Variants in DAB1 observed in about 807,000 individuals in gnomAD.
DAB1 encodes the protein disabled homolog 1.
A neutral mutation model predicts 64.6 loss-of-function variants in DAB1; 15 were observed. That is an observed-to-expected ratio of 0.23 (90% confidence interval 0.16 to 0.36). The LOEUF (loss-of-function observed/expected upper bound fraction) is 0.36, where lower values mean the gene tolerates loss of function less well. Among genes scored for constraint, DAB1 ranks in the 10% least tolerant of loss-of-function variants. The probability of loss-of-function intolerance (pLI) is 1.00; values close to 1 mark genes in which losing one functional copy is unlikely to be tolerated. For synonymous variants in DAB1, 235 were observed against 251.9 expected (o/e 0.93, Z 0.64); for missense variants, 596 against 706.7 (o/e 0.84, Z 1.78).
chr1:57,112,680 C>T (rs983940563), intron 4 of DAB1, among the ~76,000 whole-genome samples: 11 of 152,092 alleles, frequency 7.2e-5, no homozygotes, highest in African/African-American at 2.4e-4. Context: ...TGTTTTATAA[C>T]TAATAAATAT....
chr1:57,789,314 T>C (rs1345352159), intron 6 of DAB1, among the ~76,000 whole-genome samples: 3 of 151,924 alleles, frequency 2.0e-5, no homozygotes, highest in Non-Finnish European at 2.9e-5. Flanking sequence ...TAGAAGGGAA[T>C]TGGGAGAGAT....
chr1:57,423,354 C>T (rs1020848045), intron 1 of DAB1, among the ~76,000 whole-genome samples: 1 of 152,036 alleles, frequency 6.6e-6, no homozygotes, highest in Non-Finnish European at 1.5e-5. Context: ...ACGCGGGATC[C>T]AGTTCTCACG....
intron 3 of DAB1, among the ~76,000 whole-genome samples, chr1:58,372,480 C>A (rs1272565122): frequency 6.6e-6 from 1 of 152,096 alleles, no homozygotes; most frequent in Non-Finnish European, 1.5e-5. Flanking sequence ...TCAGATGAGG[C>A]TTTGGACTTG....
At chr1:57,406,431 A>G (rs1296486592) in intron 1 of DAB1, among the ~76,000 whole-genome samples, 3 of 152,178 alleles carry the variant, frequency 2.0e-5, no homozygotes, top group African/African-American at 7.2e-5. Context: ...GTCTTGTGGG[A>G]AAAAGTCTGT....
intron 1 of DAB1, among the ~76,000 whole-genome samples, chr1:57,871,942 T>C (rs1343393521): frequency 6.6e-6 from 1 of 152,118 alleles, no homozygotes; most frequent in Non-Finnish European, 1.5e-5. Flanking sequence ...GTGTAGGGTA[T>C]CCAGTCAGAC....
At chr1:57,908,960 T>C (rs567388067) in intron 5 of DAB1, among the ~76,000 whole-genome samples, 162 of 147,196 alleles carry the variant, frequency 1.1e-3, no homozygotes, top group Middle Eastern at 3.4e-3. Flanking sequence ...GGGAACCAGG[T>C]CTATTTTCCT....
chr1:57,690,742 A>G (rs1350002891), intron 6 of DAB1, among the ~76,000 whole-genome samples: 1 of 152,200 alleles, frequency 6.6e-6, no homozygotes, highest in Admixed American at 6.5e-5. Flanking sequence ...TAGTGGTTGT[A>G]CTAATTTACA....
intron 7 of DAB1, among the ~76,000 whole-genome samples, chr1:57,603,360 A>AAAGACCG (rs1444596139): frequency 9.9e-5 from 15 of 152,192 alleles, no homozygotes; most frequent in Non-Finnish European, 2.1e-4. Flanking sequence ...CTTTTCTGGC[A>AAAGACCG]GGCGGTCTTT....
rs374408829 is a variant in DAB1, at chr1:58,510,039, G to A, written n.108-3830C>T. Reference sequence around the variant, plus strand: ...AAGCCCAGAACCAGATGACCTCACTGGTGAATGCCACCAAAAACATTTAAA... The same window carrying A: ...AAGCCCAGAACCAGATGACCTCACTAGTGAATGCCACCAAAAACATTTAAA... On this transcript the variant is annotated intron_variant and non_coding_transcript_variant, in intron 2 of 20. Transcript: ENST00000485760. Among the ~76,000 whole-genome samples the A allele has an allele frequency of 1.8e-3, 271 of 152,146 alleles. 6 individuals carry two copies. In the South Asian group the frequency reaches 0.053, roughly 30 times the overall value.
chr1:58,179,702 A>C (rs1048331828), intron 4 of DAB1, among the ~76,000 whole-genome samples: 1 of 151,826 alleles, frequency 6.6e-6, no homozygotes, highest in Admixed American at 6.6e-5. Flanking sequence ...AATTTTTTTC[A>C]TTTGCCTTTT....
chr1:57,920,892 C>A (rs1644798934), intron 5 of DAB1, among the ~76,000 whole-genome samples: 1 of 152,210 alleles, frequency 6.6e-6, no homozygotes, highest in Admixed American at 6.5e-5. Context: ...CCCTATCTAC[C>A]AACAATTTAA....
chr1:57,697,725 G>T (rs1646861610), intron 6 of DAB1, among the ~76,000 whole-genome samples: 1 of 152,090 alleles, frequency 6.6e-6, no homozygotes, highest in Admixed American at 6.6e-5. Flanking sequence ...TTTTCTTTGG[G>T]AGCTGAAGAG....
chr1:57,607,470 G>A (rs1404385), intron 7 of DAB1, among the ~76,000 whole-genome samples: 139,362 of 152,140 alleles, frequency 0.92, 64,502 homozygotes, highest in East Asian at 1. Flanking sequence ...AAGAGTTATT[G>A]TCTACCCAGT....
At chr1:57,734,484 A>G (rs1647590353) in intron 6 of DAB1, among the ~76,000 whole-genome samples, 1 of 152,214 alleles carries the variant, frequency 6.6e-6, no homozygotes, top group South Asian at 2.1e-4. Flanking sequence ...GTTTTAGCCA[A>G]CTCTGACAAC....
intron 9 of DAB1, among the ~76,000 whole-genome samples, chr1:57,050,485 G>A (rs1649073973): frequency 6.6e-6 from 1 of 152,192 alleles, no homozygotes; most frequent in South Asian, 2.1e-4. Context: ...CTCAGACTTA[G>A]TCATCAGCCC....
At chr1:57,482,612 A>G (rs920115966) in intron 7 of DAB1, among the ~76,000 whole-genome samples, 32 of 152,272 alleles carry the variant, frequency 2.1e-4, no homozygotes, top group African/African-American at 7.2e-4. Flanking sequence ...AAAAATTGCC[A>G]ATAGCTTTTT....
At chr1:57,635,452 TG>T (rs1646041082) in intron 7 of DAB1, among the ~76,000 whole-genome samples, 1 of 152,004 alleles carries the variant, frequency 6.6e-6, no homozygotes, top group African/African-American at 2.4e-5. Flanking sequence ...TAGGTTCTCA[TG>T]GGAGTGTGAA....
chr1:57,249,443 T>C (rs1376611106), intron 2 of DAB1, among the ~76,000 whole-genome samples: 2 of 151,750 alleles, frequency 1.3e-5, no homozygotes, highest in Non-Finnish European at 2.9e-5. Context: ...TAAACAAGAG[T>C]TCACTGCAGC....
intron 5 of DAB1, among the ~76,000 whole-genome samples, chr1:58,007,341 T>C (rs1646600174): frequency 6.6e-6 from 1 of 152,246 alleles, no homozygotes; most frequent in Non-Finnish European, 1.5e-5. Context: ...TTCTGCTTTA[T>C]GCTAAATGTG....
Sources: allele counts gnomAD v4.1 joint callset (sites outside exome capture counted in the v4.1 genomes callset), GRCh38; gene constraint gnomAD v4.1.1; transcripts MANE v1.5; gene names NCBI Gene and HGNC (gene_info 2026-07-23, HGNC 2026-07-21).